The following AKAP9 variants were observed in gnomAD, a reference collection of about 807,000 sequenced individuals.
AKAP9 encodes the protein A-kinase anchor protein 9.
A neutral mutation model predicts 488.5 loss-of-function variants in AKAP9; 311 were observed. The ratio of observed to expected loss-of-function variants is 0.64; its 90% CI spans 0.58 to 0.70. The LOEUF is 0.70. AKAP9 is among the 30% of genes least tolerant of loss of function. The pLI, the probability that AKAP9 is intolerant of heterozygous loss-of-function variation, is 0.00. For missense variants in AKAP9, 4,215 were observed against 4,374.5 expected, an observed-to-expected ratio of 0.96 and a Z score of 1.03; for synonymous variants, 1,462 against 1,483.5, an observed-to-expected ratio of 0.99 and a Z score of 0.33.
At chr7:92,005,932 G>A (rs1462777638) in intron 8 of AKAP9, among the ~76,000 whole-genome samples, 1 of 152,118 alleles carries the variant, frequency 6.6e-6, no homozygotes, top group South Asian at 2.1e-4. Context: ...GCCTCCCAAA[G>A]TGCTGGGATT....
chr7:92,103,117 G>C (rs1036063931), intron 46 of AKAP9, among the ~76,000 whole-genome samples: 1 of 152,106 alleles, frequency 6.6e-6, no homozygotes, highest in Non-Finnish European at 1.5e-5. Context: ...TGGGCCAGGC[G>C]TGGTGCCTCA....
At chr7:92,044,716 T>G (rs1057158201) in intron 20 of AKAP9, among the ~76,000 whole-genome samples, 4 of 152,206 alleles carry the variant, frequency 2.6e-5, no homozygotes, top group African/African-American at 9.6e-5. Flanking sequence ...AGTTACTGGC[T>G]TAAGACTTTA....
chr7:92,045,050 C>T lies in AKAP9; in HGVS notation c.5205C>T (p.Leu1735=), dbSNP rs1335976334. The change falls in exon 21 of 50, where the codon CTC becomes CTT. Residue 1735 remains leucine, a synonymous_variant. Transcript: ENST00000356239. ...CTAATAATAGACTTTTGAAGATCCT[C>T]TTAGAAGTTGTAAAGACAACAGCAG... ...QKANNRLLKI[L]LEVVKTTAAV... The T allele has an allele frequency of 6.2e-7, 1 of 1,613,474 alleles. No individual in the cohort carries two copies. The highest frequency in any genetic ancestry group is 1.1e-5 in the South Asian group (1 of 91,066).
chr7:92,062,003 A>G (rs1396850992), intron 23 of AKAP9, among the ~76,000 whole-genome samples: 2 of 152,186 alleles, frequency 1.3e-5, no homozygotes, highest in East Asian at 1.9e-4. Context: ...TTACACCTAC[A>G]TAATGTGGTA....
chr7:91,982,412 A>G (rs546817763), intron 3 of AKAP9, among the ~76,000 whole-genome samples: 21 of 151,972 alleles, frequency 1.4e-4, no homozygotes, highest in Admixed American at 5.2e-4. Context: ...TCAATGTTCA[A>G]TTCCCACCTA....
At chr7:92,077,108 T>TTTTTTTTTTTC in intron 29 of AKAP9, 101 bp downstream of exon 29, 1 of 484,620 alleles carries the variant, frequency 2.1e-6, no homozygotes, top group Non-Finnish European at 2.9e-6. Context: ...TTTTTTTTTT[T>TTTTTTTTTTTC]TTTTTGAGAC....
intron 40 of AKAP9, among the ~76,000 whole-genome samples, chr7:92,096,216 T>C (rs952909108): frequency 1.3e-5 from 2 of 152,184 alleles, no homozygotes; most frequent in Admixed American, 6.5e-5. Context: ...TTCATGATTA[T>C]GCACTAACTA....
At chr7:91,982,375 T>C (rs1479405988) in intron 3 of AKAP9, among the ~76,000 whole-genome samples, 1 of 151,930 alleles carries the variant, frequency 6.6e-6, no homozygotes, top group African/African-American at 2.4e-5. Context: ...CCATGTGTGA[T>C]GTTCCCTGCC....
At chr7:92,023,765 C>T (rs1244568342) in intron 14 of AKAP9, among the ~76,000 whole-genome samples, 2 of 152,262 alleles carry the variant, frequency 1.3e-5, no homozygotes, top group Middle Eastern at 3.4e-3. Flanking sequence ...GATTTTTAAT[C>T]TCCTACTGAC....
chr7:92,053,028 G>T, intron 22 of AKAP9, 70 bp downstream of exon 22: 1 of 1,311,784 alleles, frequency 7.6e-7, no homozygotes, highest in East Asian at 2.4e-5. Context: ...TCTCGACTGA[G>T]CTAATTTTGA....
At chr7:92,083,678 G>A in intron 33 of AKAP9, 23 bp downstream of exon 33, 2 of 1,603,014 alleles carry the variant, frequency 1.2e-6, no homozygotes, top group South Asian at 1.1e-5. Flanking sequence ...TATAATATGT[G>A]TTTTTCAACA....
At chr7:91,957,816 A>G (rs1162126860) in intron 1 of AKAP9, among the ~76,000 whole-genome samples, 1 of 152,224 alleles carries the variant, frequency 6.6e-6, no homozygotes, top group Non-Finnish European at 1.5e-5. Flanking sequence ...TGTAATAATC[A>G]GTATACTTTT....
intron 46 of AKAP9, among the ~76,000 whole-genome samples, chr7:92,103,178 C>T (rs1320021191): frequency 6.6e-6 from 1 of 151,886 alleles, no homozygotes; most frequent in Non-Finnish European, 1.5e-5. Flanking sequence ...ATCACAAGGT[C>T]AGGAGATCGA....
At chr7:91,994,321 A>G (rs187748644) in intron 5 of AKAP9, among the ~76,000 whole-genome samples, 1 of 152,294 alleles carries the variant, frequency 6.6e-6, no homozygotes, top group Non-Finnish European at 1.5e-5. Flanking sequence ...GGAATTAAAC[A>G]TGTCTAGGGT....
intron 2 of AKAP9, among the ~76,000 whole-genome samples, chr7:91,979,035 C>T (rs946508265): frequency 6.6e-6 from 1 of 151,316 alleles, no homozygotes; most frequent in South Asian, 2.1e-4. Context: ...ACCTCAGCCT[C>T]CCAAAGTGCT....
At chr7:92,101,393 C>T (rs1349483045) in intron 45 of AKAP9, among the ~76,000 whole-genome samples, 2 of 151,118 alleles carry the variant, frequency 1.3e-5, no homozygotes, top group Admixed American at 6.6e-5. Flanking sequence ...GCCGAGATCG[C>T]GCCACTGCAC....
intron 22 of AKAP9, among the ~76,000 whole-genome samples, chr7:92,059,713 CGT>C (rs1167682698): frequency 6.6e-6 from 1 of 151,088 alleles, no homozygotes; most frequent in Non-Finnish European, 1.5e-5. Context: ...AAATGACAAA[CGT>C]GTAAAAACAA....
At chr7:91,989,672 T>C (rs1797528405) in intron 3 of AKAP9, among the ~76,000 whole-genome samples, 1 of 152,094 alleles carries the variant, frequency 6.6e-6, no homozygotes, top group Admixed American at 6.5e-5. Flanking sequence ...ACATTTATTT[T>C]AACCTCGTTA....
chr7:92,080,158 T>A lies in AKAP9; in HGVS notation c.8019+6T>A. ...AAGATGTTGAAGTTCTCAAGGTTAG[T>A]TTTGTATTTTATTAGTTTCATTTAA... On this transcript the variant is annotated splice_donor_region_variant and intron_variant, in intron 31 of 49. Coordinates refer to ENST00000356239, the MANE Select transcript of AKAP9 (RefSeq NM_005751.5). 6.4e-7 allele frequency: 1 copy of A among 1,560,684 alleles called. No individual in the cohort carries two copies. The highest frequency in any genetic ancestry group is 1.2e-5 in the South Asian group (1 of 86,476).
Sources: gnomAD v4.1 joint callset for allele counts (sites outside exome capture counted in the v4.1 genomes callset) on GRCh38, gnomAD v4.1.1 for gene constraint, MANE v1.5 for transcripts, NCBI Gene and HGNC (gene_info 2026-07-23, HGNC 2026-07-21) for gene names.